The following MAP3K9 variants were observed in gnomAD, a reference collection of about 807,000 sequenced individuals.
MAP3K9 encodes mixed lineage kinase 1 (tyr and ser/thr specificity).
Under a neutral mutation model 95.8 loss-of-function variants are expected in MAP3K9, and 46 were observed. The ratio of observed to expected loss-of-function variants is 0.48; its 90% CI spans 0.38 to 0.61. The LOEUF is 0.61. MAP3K9 is among the 20% of genes least tolerant of loss of function. MAP3K9 has a pLI of 0.00. For synonymous variants in MAP3K9, 533 were observed against 593.8 expected (o/e 0.90, Z 1.49); for missense variants, 1,296 against 1,474.3 (o/e 0.88, Z 1.98).
At chr14:70,806,148 G>A (rs2054987313) in intron 1 of MAP3K9, among the ~76,000 whole-genome samples, 1 of 152,160 alleles carries the variant, frequency 6.6e-6, no homozygotes, top group Non-Finnish European at 1.5e-5. Flanking sequence ...CAAGTCTTCG[G>A]AGACAAGGTT....
intron 2 of MAP3K9, chr14:70,783,481 T>C: frequency 1.2e-6 from 1 of 852,224 alleles, no homozygotes; most frequent in Non-Finnish European, 1.4e-6. Context: ...CCCCTCCCCT[T>C]TCCTCCCATC....
chr14:70,786,752 C>T (rs1273808628), intron 2 of MAP3K9, among the ~76,000 whole-genome samples: 1 of 152,216 alleles, frequency 6.6e-6, no homozygotes, highest in African/African-American at 2.4e-5. Flanking sequence ...CTCTAGTTCA[C>T]AACTGTAAGG....
intron 3 of MAP3K9, among the ~76,000 whole-genome samples, chr14:70,760,141 G>GTGCACA (rs375195543): frequency 1.4e-5 from 2 of 147,700 alleles, no homozygotes; most frequent in Non-Finnish European, 3.0e-5. Flanking sequence ...AAATAAACGT[G>GTGCACA]CACACACACA....
chr14:70,809,091 G>A lies in MAP3K9; in HGVS notation c.81C>T (p.Ala27=). The change falls in exon 1 of 12, where the codon GCC becomes GCT. Residue 27 remains alanine (A), a synonymous_variant. Transcript: ENST00000554752. ...CCTCCTCCTCCTCCTCCTCGGCCCC[G>A]GCCCCTGCTCCATCCTCCCCCGGCG... ...AAPPGEDGAG[A]GAEEEEEEEE... is the part of the protein sequence containing the mutation. The A allele has an allele frequency of 7.0e-7, 1 of 1,422,252 alleles. No individual in the cohort carries two copies. The highest frequency in any genetic ancestry group is 9.1e-7 in the Non-Finnish European group (1 of 1,096,450). The allele number at this position is 1,422,252 out of a possible 1,614,324, so 88.1% of individuals were successfully genotyped here.
chr14:70,784,442 T>C (rs1459559873), intron 2 of MAP3K9, among the ~76,000 whole-genome samples: 1 of 151,952 alleles, frequency 6.6e-6, no homozygotes, highest in African/African-American at 2.4e-5. Context: ...GGACAAACAC[T>C]AACAAGAAGC....
chr14:70,785,442 T>C (rs2054734291), intron 2 of MAP3K9, among the ~76,000 whole-genome samples: 1 of 152,188 alleles, frequency 6.6e-6, no homozygotes, highest in African/African-American at 2.4e-5. Flanking sequence ...AACAATAAAA[T>C]AGAACAACTA....
chr14:70,747,398 G>A (rs1008841375), intron 5 of MAP3K9, among the ~76,000 whole-genome samples: 1 of 152,182 alleles, frequency 6.6e-6, no homozygotes, highest in Admixed American at 6.5e-5. Context: ...AGAAGGACCT[G>A]TTTGCTACCA....
intron 2 of MAP3K9, among the ~76,000 whole-genome samples, chr14:70,764,192 C>CAAAAAAAA (rs71105731): frequency 3.4e-5 from 1 of 29,850 alleles, no homozygotes; most frequent in Admixed American, 5.6e-4. Flanking sequence ...GACTCCGTCT[C>CAAAAAAAA]AAAAAAAAAA....
intron 7 of MAP3K9, 83 bp from the exon 8 acceptor site, chr14:70,738,481 C>T: frequency 8.2e-7 from 1 of 1,224,418 alleles, no homozygotes; most frequent in East Asian, 2.4e-5. Context: ...ACCACACACA[C>T]ACACACATTT....
chr14:70,734,300 G>T (rs2139708821), intron 10 of MAP3K9, 86 bp downstream of exon 10: 1 of 868,768 alleles, frequency 1.2e-6, no homozygotes, highest in Non-Finnish European at 2.0e-6. Context: ...AGTGCTAGGG[G>T]TCCTTAAATG....
At chr14:70,753,985 A>G (rs1193385518) in intron 3 of MAP3K9, among the ~76,000 whole-genome samples, 2 of 152,322 alleles carry the variant, frequency 1.3e-5, no homozygotes, top group Admixed American at 1.3e-4. Flanking sequence ...ATGCTCTGAA[A>G]GGAGGTGACC....
chr14:70,783,375 C>T (rs1035864721), intron 2 of MAP3K9: 2 of 985,264 alleles, frequency 2.0e-6, no homozygotes, highest in African/African-American at 1.7e-5. Flanking sequence ...TCAAATACCC[C>T]TTTTTAATTC....
intron 2 of MAP3K9, among the ~76,000 whole-genome samples, chr14:70,766,654 T>C (rs1046264765): frequency 2.6e-5 from 4 of 152,192 alleles, no homozygotes; most frequent in Admixed American, 2.0e-4. Context: ...TTCCCCATTT[T>C]ATGCACTCCA....
chr14:70,756,658 A>G (rs1372821439), intron 3 of MAP3K9, among the ~76,000 whole-genome samples: 2 of 152,228 alleles, frequency 1.3e-5, no homozygotes, highest in Admixed American at 1.3e-4. Flanking sequence ...TCTTTTATGA[A>G]AATTGTAATA....
chr14:70,775,770 T>C (rs1594797465), intron 2 of MAP3K9, among the ~76,000 whole-genome samples: 1 of 152,242 alleles, frequency 6.6e-6, no homozygotes, highest in Non-Finnish European at 1.5e-5. Context: ...CTAAGTCCAC[T>C]GCCCTTTCCA....
At chr14:70,737,589 C>T (rs565101343) in intron 8 of MAP3K9, among the ~76,000 whole-genome samples, 1 of 152,252 alleles carries the variant, frequency 6.6e-6, no homozygotes, top group East Asian at 1.9e-4. Context: ...GGCAGTGTGG[C>T]TATGGGGTGA....
At position 70,750,760 on chromosome 14, in the gene MAP3K9, TA is replaced by T. The variant is rs1377135817; in HGVS notation, c.1002-680del. 2.0e-5 allele frequency among the ~76,000 whole-genome samples: 3 copies of T among 152,316 alleles called. No homozygotes were observed. In the East Asian group the frequency reaches 5.8e-4, roughly 29 times the overall value. On this transcript the variant is annotated intron_variant, in intron 3 of 11. Coordinates refer to ENST00000554752, the MANE Select transcript of MAP3K9 (RefSeq NM_001284230.2). ...CCTCGGCCTCTCAAAGTGCTGAGATTATAGGCGTGAGCCACCACACCTGGCC... is the reference window on the plus strand; with the variant it reads ...CCTCGGCCTCTCAAAGTGCTGAGATTTAGGCGTGAGCCACCACACCTGGCC...
At chr14:70,787,113 A>AT (rs1187942627) in intron 2 of MAP3K9, among the ~76,000 whole-genome samples, 10 of 151,142 alleles carry the variant, frequency 6.6e-5, no homozygotes, top group South Asian at 6.3e-4. Context: ...TAGCATAACT[A>AT]TTTTTTTTTC....
At position 70,728,139 on chromosome 14, in the gene MAP3K9, G is replaced by A. The variant is rs79700829; in HGVS notation, c.*2241C>T. ...TTTTTTTTTTTTTTTTTTTTTTTTTGAGACAGAGTTTCTCTCTTGTTGCCC... is the reference window on the plus strand; with the variant it reads ...TTTTTTTTTTTTTTTTTTTTTTTTTAAGACAGAGTTTCTCTCTTGTTGCCC... On this transcript the variant is annotated 3_prime_UTR_variant, in exon 12 of 12. Coordinates refer to ENST00000554752, the MANE Select transcript of MAP3K9 (RefSeq NM_001284230.2). 1.1e-4 allele frequency: 1 copy of A among 8,992 alleles called. No homozygotes were observed. Among genetic ancestry groups the A allele is most frequent in the Non-Finnish European group, 3.4e-4 (1 of 2,940 alleles). The allele number at this position is 8,992 out of a possible 1,614,324, so 0.6% of individuals were successfully genotyped here.
Sources: gnomAD v4.1 joint callset for allele counts (sites outside exome capture counted in the v4.1 genomes callset) on GRCh38, gnomAD v4.1.1 for gene constraint, MANE v1.5 for transcripts, NCBI Gene and HGNC (gene_info 2026-07-23, HGNC 2026-07-21) for gene names.